Variants in SPTLC1 observed in about 807,000 individuals in gnomAD.
SPTLC1 encodes the protein serine palmitoyltransferase 1.
In SPTLC1, 55 loss-of-function variants were observed where a neutral mutation model predicts 68.9. The observed-to-expected ratio is 0.80, with a 90% CI of 0.64 to 1.00. The LOEUF (loss-of-function observed/expected upper bound fraction) is 1.00. Ranked by LOEUF, SPTLC1 falls within the 50% of genes least tolerant of loss-of-function variation. SPTLC1 has a pLI of 0.00. For missense variants in SPTLC1, 449 were observed against 573.1 expected, an observed-to-expected ratio of 0.78 and a Z score of 2.21; for synonymous variants, 197 against 201.6, an observed-to-expected ratio of 0.98 and a Z score of 0.19.
intron 8 of SPTLC1, among the ~76,000 whole-genome samples, chr9:92,053,523 T>A (rs1367355076): frequency 1.3e-5 from 2 of 152,326 alleles, no homozygotes; most frequent in East Asian, 3.9e-4. Flanking sequence ...AATATCCATC[T>A]GTGGATGAAC....
In SPTLC1 at chr9:92,053,985, A is replaced by G. The variant is rs528091533; in HGVS notation, c.780+1420T>C. On this transcript the variant is annotated intron_variant, in intron 8 of 14. Transcript: ENST00000262554. ...AAACAGTTATGCTGCTTTCACTATT[A>G]AAAAGCTAAGTTTTGGCCATGCGTG... 283 of 985,412 alleles carry G rather than the reference A, an allele frequency of 2.9e-4. No homozygotes were observed. The African/African-American group carries it at 4.7e-3, about 16-fold the overall frequency. The allele number at this position is 985,412 out of a possible 1,614,324, so 61.0% of individuals were successfully genotyped here. A position where few individuals can be genotyped will look rare whatever the true frequency, so the allele number is the denominator to read the frequency against.
chr9:92,099,481 T>C (rs1259209768), intron 3 of SPTLC1, among the ~76,000 whole-genome samples: 1 of 65,696 alleles, frequency 1.5e-5, no homozygotes, highest in Non-Finnish European at 2.3e-5. Context: ...TTTACTGTAC[T>C]TTTTTTTTTT....
chr9:92,084,349 G>A (rs933254410), intron 3 of SPTLC1, among the ~76,000 whole-genome samples: 4 of 151,952 alleles, frequency 2.6e-5, no homozygotes, highest in Non-Finnish European at 5.9e-5. Flanking sequence ...TCCAGTTTTT[G>A]CCCATTCAGC....
chr9:92,092,214 G>A (rs538755878), intron 3 of SPTLC1, among the ~76,000 whole-genome samples: 1 of 152,182 alleles, frequency 6.6e-6, no homozygotes, highest in African/African-American at 2.4e-5. Flanking sequence ...ATAAAGCCGT[G>A]GAACATTTGC....
At chr9:92,058,981 A>G (rs924471165) in intron 7 of SPTLC1, among the ~76,000 whole-genome samples, 198 bp downstream of exon 7, 3 of 152,126 alleles carry the variant, frequency 2.0e-5, no homozygotes, top group Non-Finnish European at 2.9e-5. Context: ...CCAATTTGCT[A>G]TATGTAATTA....
rs145790332 is a variant in SPTLC1 at position 92,074,896 on chromosome 9, C to T, written c.427+5120G>A. ...CCTTCTTTACCATCCCCTTACATCCCTCTTCCCAGCCCCTTTTTGCCTTTA... is the reference window on the plus strand; with the variant it reads ...CCTTCTTTACCATCCCCTTACATCCTTCTTCCCAGCCCCTTTTTGCCTTTA... On this transcript the variant is annotated intron_variant, in intron 5 of 14. Transcript: ENST00000262554. 1.4e-4 allele frequency among the ~76,000 whole-genome samples: 22 copies of T among 152,180 alleles called. No individual in the cohort carries two copies. In the East Asian group the frequency reaches 3.9e-3, roughly 27 times the overall value.
intron 12 of SPTLC1, among the ~76,000 whole-genome samples, chr9:92,040,018 A>G (rs1225718990): frequency 6.6e-6 from 1 of 152,208 alleles, no homozygotes; most frequent in Non-Finnish European, 1.5e-5. Flanking sequence ...TGACCATGTT[A>G]AACGCATATA....
intron 3 of SPTLC1, among the ~76,000 whole-genome samples, chr9:92,085,465 G>A (rs957927466): frequency 6.6e-6 from 1 of 151,944 alleles, no homozygotes; most frequent in Non-Finnish European, 1.5e-5. Flanking sequence ...TGGTTTCAAA[G>A]AACATCTTTA....
Position 92,059,238 on chromosome 9 carries a change from G to C in SPTLC1, c.631C>G (p.His211Asp). The C allele has an allele frequency of 1.2e-6, 2 of 1,613,994 alleles. No individual in the cohort carries two copies. The highest frequency in any genetic ancestry group is 1.7e-6 in the Non-Finnish European group (2 of 1,179,946). Residue 211 changes from histidine (H) to aspartate (D), a missense_variant, in exon 7 of 15, where the codon CAT becomes GAT. Physicochemically the swap from His to Asp is moderately conservative, Grantham distance 81. Around this residue, in one of 3 missense-constraint regions of SPTLC1, gnomAD observed 391 missense variants for 472.1 expected, o/e 0.83. Transcript: ENST00000262554. Reference sequence around the variant, plus strand: ...CGCTCGAGGTCAGCCATGTCATTATGCTTAAATAACTTAATGTCACTACGG... The same window carrying C: ...CGCTCGAGGTCAGCCATGTCATTATCCTTAAATAACTTAATGTCACTACGG... Reference protein sequence around the residue: ...ASRSDIKLFKHNDMADLERLL... With the variant: ...ASRSDIKLFKDNDMADLERLL...
At chr9:92,044,272 A>C (rs1833439344) in intron 12 of SPTLC1, among the ~76,000 whole-genome samples, 1 of 152,234 alleles carries the variant, frequency 6.6e-6, no homozygotes, top group Non-Finnish European at 1.5e-5. Context: ...TTGAAGAGCA[A>C]GGTGTTGAAA....
At chr9:92,111,353 C>A (rs1836236613) in intron 2 of SPTLC1, 1 of 152,136 alleles carries the variant, frequency 6.6e-6, no homozygotes, top group South Asian at 2.1e-4. Flanking sequence ...CTCATCCACA[C>A]CTGAAATAGC....
intron 13 of SPTLC1, 36 bp from the exon 14 acceptor site, chr9:92,034,919 C>T: frequency 1.3e-6 from 2 of 1,548,798 alleles, no homozygotes; most frequent in Non-Finnish European, 1.8e-6. Flanking sequence ...GCAACCTGGA[C>T]TTCAGACATG....
intron 1 of SPTLC1, among the ~76,000 whole-genome samples, chr9:92,113,626 T>A (rs1001037759): frequency 1.3e-5 from 2 of 152,188 alleles, no homozygotes; most frequent in Non-Finnish European, 2.9e-5. Context: ...ATAAAAAAGA[T>A]CATTCAATTT....
At chr9:92,060,526 A>C (rs1834053819) in intron 6 of SPTLC1, among the ~76,000 whole-genome samples, 1 of 152,212 alleles carries the variant, frequency 6.6e-6, no homozygotes, top group South Asian at 2.1e-4. Flanking sequence ...GAAAAACTAA[A>C]TTACTAAAAT....
At chr9:92,036,576 AG>A (rs1242893119) in intron 13 of SPTLC1, among the ~76,000 whole-genome samples, 1 of 152,230 alleles carries the variant, frequency 6.6e-6, no homozygotes. Context: ...GCCATTACTC[AG>A]ACCCAACACC....
Position 92,047,060 on chromosome 9 carries a change from G to A in SPTLC1, c.1081+112C>T, listed in dbSNP as rs1007372342. The A allele has an allele frequency of 1.4e-5, 13 of 907,958 alleles. No individual in the cohort carries two copies. In the East Asian group the frequency reaches 2.9e-4, roughly 20 times the overall value. The allele number at this position is 907,958 out of a possible 1,614,324, so 56.2% of individuals were successfully genotyped here. A position where few individuals can be genotyped will look rare whatever the true frequency, so the allele number is the denominator to read the frequency against. On this transcript the variant is annotated intron_variant, in intron 11 of 14. Transcript: ENST00000262554. ...ATTCTTCCTATGAATGCCATATAAT[G>A]TAACTGCAAACCAGTTTTGTCTGGC...
At chr9:92,090,709 C>G (rs569065736) in intron 3 of SPTLC1, among the ~76,000 whole-genome samples, 1 of 151,266 alleles carries the variant, frequency 6.6e-6, no homozygotes, top group East Asian at 1.9e-4. Flanking sequence ...CCTGATCAAG[C>G]AGACTAAAGG....
chr9:92,098,880 G>A (rs909144399), intron 3 of SPTLC1, among the ~76,000 whole-genome samples: 4 of 146,622 alleles, frequency 2.7e-5, no homozygotes, highest in Non-Finnish European at 5.9e-5. Context: ...GTCAGGAGTG[G>A]AGCAGGAGAA....
At chr9:92,097,063 T>C (rs1209674970) in intron 3 of SPTLC1, among the ~76,000 whole-genome samples, 1 of 152,230 alleles carries the variant, frequency 6.6e-6, no homozygotes. Context: ...AATAAGCCGA[T>C]GAAAAGGTGC....
Sources: allele counts gnomAD v4.1 joint callset (sites outside exome capture counted in the v4.1 genomes callset), GRCh38; gene constraint gnomAD v4.1.1; regional missense constraint gnomAD v4.1.1; transcripts MANE v1.5; gene names NCBI Gene and HGNC (gene_info 2026-07-23, HGNC 2026-07-21).